The following VSIG4 variants were observed in gnomAD, a reference collection of about 807,000 sequenced individuals.
VSIG4 encodes V-set and immunoglobulin domain-containing protein 4.
VSIG4 carries 34 observed loss-of-function variants against 23.4 expected under a neutral mutation model. The observed-to-expected ratio is 1.45, with a 90% CI of 1.10 to 1.93. VSIG4 has a LOEUF of 1.93. VSIG4 is among the 30% of genes most tolerant of loss of function. The pLI is 0.00. For synonymous variants in VSIG4, 169 were observed against 120.3 expected (o/e 1.41, Z -2.65); for missense variants, 433 against 310.8 (o/e 1.39, Z -2.96).
intron 1 of VSIG4, among the ~76,000 whole-genome samples, chrX:66,039,370 C>T (rs1234352652): frequency 8.9e-6 from 1 of 111,829 alleles, no homozygotes; most frequent in Non-Finnish European, 1.9e-5. Context: ...TAGTTCAACA[C>T]AAATAAGAAC....
chrX:66,029,146 G>T (rs142185110), intron 3 of VSIG4, among the ~76,000 whole-genome samples: 1 of 111,239 alleles, frequency 9.0e-6, no homozygotes, highest in Non-Finnish European at 1.9e-5. Context: ...TAGATGTGGC[G>T]AAACATATTA....
intron 1 of VSIG4, among the ~76,000 whole-genome samples, chrX:66,035,786 C>T (rs1338979522): frequency 8.9e-6 from 1 of 112,133 alleles, no homozygotes; most frequent in Non-Finnish European, 1.9e-5. Flanking sequence ...TGGACTTTCC[C>T]AATGTCCCTC....
chrX:66,039,942 A>G lies in VSIG4; in HGVS notation c.55+2T>C. 1 of 1,211,122 alleles carries G rather than the reference A, an allele frequency of 8.3e-7. No individual in the cohort carries two copies. Among genetic ancestry groups the G allele is most frequent in the Non-Finnish European group, 1.1e-6 (1 of 895,127 alleles). On this transcript the variant is annotated splice_donor_variant, in intron 1 of 7. Coordinates refer to ENST00000374737, the MANE Select transcript of VSIG4 (RefSeq NM_007268.3). LOFTEE classifies it high-confidence loss of function. Reference sequence around the variant, plus strand: ...GCAGCCAGGCCCCCCTTTCTGCCTTACCATAAGTGTCCACTGTTAGGTGCC... The same window carrying G: ...GCAGCCAGGCCCCCCTTTCTGCCTTGCCATAAGTGTCCACTGTTAGGTGCC...
At chrX:66,033,075 G>C (rs1486041859) in intron 2 of VSIG4, among the ~76,000 whole-genome samples, 1 of 111,409 alleles carries the variant, frequency 9.0e-6, no homozygotes, top group African/African-American at 3.3e-5. Context: ...CCAGACTTTT[G>C]TAAAATTGTC....
At chrX:66,029,512 C>A (rs1402183204) in intron 3 of VSIG4, among the ~76,000 whole-genome samples, 3 of 110,997 alleles carry the variant, frequency 2.7e-5, no homozygotes, top group Admixed American at 1.9e-4. Flanking sequence ...AATCTAGTGA[C>A]ATAAAATATA....
At position 66,039,978 on chromosome X, in the gene VSIG4, C is replaced by A; in HGVS notation, c.21G>T (p.Leu7=). The change falls in exon 1 of 8, where the codon CTG becomes CTT. Residue 7 remains leucine, a synonymous_variant. Transcript: ENST00000374737. MGILLG[L]LLLGHLTVDT... is the part of the protein sequence containing the mutation. The stretch of plus-strand genomic sequence containing the variant: ...CCACTGTTAGGTGCCCCAGGAGTAG[C>A]AGGCCCAGTAAGATCCCCATCACAG... The A allele has an allele frequency of 8.3e-7, 1 of 1,210,204 alleles. No individual in the cohort carries two copies. The highest frequency in any genetic ancestry group is 2.2e-5 in the Admixed American group (1 of 45,802).
rs370999904 is a variant in VSIG4 at position 66,032,697 on chromosome X, C to A, written c.465G>T (p.Val155=). The A allele has an allele frequency of 1.5e-5, 18 of 1,211,442 alleles. No homozygotes were observed. Among genetic ancestry groups the A allele is most frequent in the Non-Finnish European group, 2.0e-5 (18 of 895,377 alleles). Reference sequence around the variant, plus strand: ...GAAGGCTAATCCTCATTCCCTGGGGCACCGTGAAGCCATAACCGCTGCCAG... The same window carrying A: ...GAAGGCTAATCCTCATTCCCTGGGGAACCGTGAAGCCATAACCGCTGCCAG... ...VTTGSGYGFT[V]PQGMRISLQC... The change falls in exon 3 of 8, where the codon GTG becomes GTT. Residue 155 remains valine, a synonymous_variant. Transcript: ENST00000374737.
intron 1 of VSIG4, among the ~76,000 whole-genome samples, chrX:66,037,425 TATA>T (rs1203668926): frequency 5.8e-5 from 2 of 34,333 alleles, no homozygotes; most frequent in African/African-American, 3.0e-4. Flanking sequence ...ATATATATCA[TATA>T]ATAATATAAT....
chrX:66,025,891 C>T (rs1387620390), intron 5 of VSIG4, among the ~76,000 whole-genome samples: 1 of 112,329 alleles, frequency 8.9e-6, no homozygotes, highest in East Asian at 2.8e-4. Flanking sequence ...CTTCTCCAAA[C>T]CCTCCAAAGG....
chrX:66,033,808 T>C lies in VSIG4; in HGVS notation c.78A>G (p.Pro26=). 8.3e-7 allele frequency: 1 copy of C among 1,207,650 alleles called. No homozygotes were observed. ...DTYGRPILEV[P]ESVTGPWKGD... is the part of the protein sequence containing the mutation. ...CTTTCCAAGGTCCTGTTACACTCTC[T>C]GGCACTTCCAGGATGGGACGGCCTG... The change falls in exon 2 of 8, where the codon CCA becomes CCG. Residue 26 remains proline, a synonymous_variant. Coordinates refer to ENST00000374737, the MANE Select transcript of VSIG4 (RefSeq NM_007268.3).
chrX:66,035,609 G>C (rs925027765), intron 1 of VSIG4, among the ~76,000 whole-genome samples: 4 of 111,935 alleles, frequency 3.6e-5, no homozygotes, highest in African/African-American at 9.8e-5. Flanking sequence ...CTGTGCCATA[G>C]ATAGTTCACA....
intron 1 of VSIG4, among the ~76,000 whole-genome samples, chrX:66,038,248 G>A (rs962459895): frequency 9.0e-6 from 1 of 111,441 alleles, no homozygotes; most frequent in Non-Finnish European, 1.9e-5. Flanking sequence ...GTCCCACAGA[G>A]TTGTCCAGCT....
chrX:66,028,363 C>T lies in VSIG4; in HGVS notation c.695-251G>A, dbSNP rs187498800. On this transcript the variant is annotated intron_variant, in intron 3 of 7. Coordinates refer to ENST00000374737, the MANE Select transcript of VSIG4 (RefSeq NM_007268.3). ...AGCTAGAGTTCAGAGAGTCAGTCAA[C>T]TTGGATGGGAAAATATATTTTATTT... Among the ~76,000 whole-genome samples the T allele has an allele frequency of 3.8e-3, 420 of 110,444 alleles. 4 individuals carry two copies. The highest frequency in any genetic ancestry group is 0.013 in the African/African-American group (398 of 30,316).
At chrX:66,033,936 ACTTT>A (rs2085500227) in intron 1 of VSIG4, 106 bp from the exon 2 acceptor site, 3 of 623,627 alleles carry the variant, frequency 4.8e-6, no homozygotes, top group African/African-American at 2.3e-5. Flanking sequence ...ATGCCACTCA[ACTTT>A]CTTTCTATCA....
At chrX:66,034,923 C>A (rs931568517) in intron 1 of VSIG4, among the ~76,000 whole-genome samples, 1 of 110,781 alleles carries the variant, frequency 9.0e-6, no homozygotes, top group South Asian at 3.9e-4. Flanking sequence ...ATTCATGTCT[C>A]TCCTAAGAGA....
At position 66,028,161 on chromosome X, in the gene VSIG4, A is replaced by C. The variant is rs781281859; in HGVS notation, c.695-49T>G. On this transcript the variant is annotated intron_variant, in intron 3 of 7. Coordinates refer to ENST00000374737, the MANE Select transcript of VSIG4 (RefSeq NM_007268.3). ...GAAGGGACCTGGTACCCTTTGGTGAATAGTTTAATGCCCTAGGGAAATAGG... is the reference window on the plus strand; with the variant it reads ...GAAGGGACCTGGTACCCTTTGGTGACTAGTTTAATGCCCTAGGGAAATAGG... 15 of 1,082,694 alleles carry C rather than the reference A, an allele frequency of 1.4e-5. No homozygotes were observed. In the South Asian group the frequency reaches 2.6e-4, roughly 19 times the overall value. 89.2% of individuals were successfully genotyped at this position (1,082,694 alleles called of 1,213,427 possible).
At chrX:66,034,062 T>C (rs753004578) in intron 1 of VSIG4, among the ~76,000 whole-genome samples, 10 of 112,114 alleles carry the variant, frequency 8.9e-5, no homozygotes, top group African/African-American at 3.2e-4. Context: ...TTTCAAGTCC[T>C]TTTTATGTTA....
rs753126202 is a variant in VSIG4, at chrX:66,027,533, A to T, written c.758-7T>A. 8.6e-7 allele frequency: 1 copy of T among 1,168,490 alleles called. No individual in the cohort carries two copies. ...TGCTTCACTGTAGATGTTGCTATGAATATAGAGAATAGGGTCAGAGATGTC... is the reference window on the plus strand; with the variant it reads ...TGCTTCACTGTAGATGTTGCTATGATTATAGAGAATAGGGTCAGAGATGTC... On this transcript the variant is annotated splice_polypyrimidine_tract_variant and splice_region_variant and intron_variant, in intron 4 of 7. Coordinates refer to ENST00000374737, the MANE Select transcript of VSIG4 (RefSeq NM_007268.3).
rs1465917923 is a variant in VSIG4, at chrX:66,032,486, C to CA, written c.675dup (p.Val226CysfsTer17). 16 of 1,208,587 alleles carry CA rather than the reference C, an allele frequency of 1.3e-5. No homozygotes were observed. Among genetic ancestry groups the CA allele is most frequent in the Non-Finnish European group, 1.7e-5 (15 of 894,196 alleles). ...CGCTCACCTTTGACCACAAACTTCACAATGTCGCTGTGCTGCTCAGAGCCA... is the reference window on the plus strand; with the variant it reads ...CGCTCACCTTTGACCACAAACTTCACAAATGTCGCTGTGCTGCTCAGAGCCA... On this transcript the variant is annotated frameshift_variant, in exon 3 of 8. Transcript: ENST00000374737. LOFTEE classifies it high-confidence loss of function.
Sources: allele counts gnomAD v4.1 joint callset (sites outside exome capture counted in the v4.1 genomes callset), GRCh38; gene constraint gnomAD v4.1.1; transcripts MANE v1.5; gene names NCBI Gene and HGNC (gene_info 2026-07-23, HGNC 2026-07-21).